The following GPC5 variants were observed in gnomAD, a reference collection of about 807,000 sequenced individuals.
GPC5 encodes glypican 5.
Under a neutral mutation model 53.9 loss-of-function variants are expected in GPC5, and 47 were observed. The ratio of observed to expected loss-of-function variants is 0.87; its 90% confidence interval spans 0.69 to 1.11. The LOEUF (loss-of-function observed/expected upper bound fraction) is 1.11, where lower values mean the gene tolerates loss of function less well. Among genes scored for constraint, GPC5 ranks in the 50% most tolerant of loss-of-function variants. The pLI is 0.00. For synonymous variants in GPC5, 286 were observed against 263.3 expected (o/e 1.09, Z -0.84); for missense variants, 748 against 713.1 (o/e 1.05, Z -0.56).
chr13:91,802,601 T>A (rs142090426), intron 5 of GPC5, among the ~76,000 whole-genome samples: 77 of 152,274 alleles, frequency 5.1e-4, no homozygotes, highest in African/African-American at 1.8e-3. Flanking sequence ...TACAGAGCAC[T>A]GATTGGTCCA....
intron 6 of GPC5, among the ~76,000 whole-genome samples, chr13:91,975,924 T>C (rs922155518): frequency 2.0e-5 from 3 of 152,142 alleles, no homozygotes; most frequent in African/African-American, 4.8e-5. Flanking sequence ...ATATACACCA[T>C]GGAATACCAT....
At chr13:91,846,009 C>T (rs1410123899) in intron 5 of GPC5, among the ~76,000 whole-genome samples, 1 of 152,162 alleles carries the variant, frequency 6.6e-6, no homozygotes, top group Non-Finnish European at 1.5e-5. Flanking sequence ...TCATTTACAT[C>T]ATCCCTATTC....
At chr13:92,179,023 A>G (rs2042128247) in intron 7 of GPC5, among the ~76,000 whole-genome samples, 1 of 152,188 alleles carries the variant, frequency 6.6e-6, no homozygotes. Context: ...TTAATAAAGT[A>G]TCCTAACGTA....
At chr13:92,070,386 T>C (rs1355060832) in intron 6 of GPC5, among the ~76,000 whole-genome samples, 1 of 152,200 alleles carries the variant, frequency 6.6e-6, no homozygotes, top group Non-Finnish European at 1.5e-5. Context: ...TTTATAAAAG[T>C]CATCTCCTCT....
At chr13:92,421,586 C>G (rs1270934853) in intron 7 of GPC5, among the ~76,000 whole-genome samples, 2 of 149,182 alleles carry the variant, frequency 1.3e-5, no homozygotes, top group African/African-American at 5.0e-5. Context: ...GTAGTCCCAG[C>G]TACTCGGGAG....
At chr13:92,556,043 G>A (rs7991738) in intron 7 of GPC5, among the ~76,000 whole-genome samples, 105,140 of 151,508 alleles carry the variant, frequency 0.69, 37,839 homozygotes, top group African/African-American at 0.86. Flanking sequence ...TTATTCATGA[G>A]TAGATATTTT....
At chr13:92,566,011 T>A (rs2139035325) in intron 7 of GPC5, among the ~76,000 whole-genome samples, 1 of 152,186 alleles carries the variant, frequency 6.6e-6, no homozygotes, top group African/African-American at 2.4e-5. Context: ...CAACAGTCAT[T>A]TTAATAATTA....
Position 92,716,267 on chromosome 13 carries a change from T to A in GPC5, c.1562-150015T>A, listed in dbSNP as rs376588058. On this transcript the variant is annotated intron_variant, in intron 7 of 7. Coordinates refer to ENST00000377067, the MANE Select transcript of GPC5 (RefSeq NM_004466.6). Reference sequence around the variant, plus strand: ...CCATTTTCTGCTACTTCCTGCTTCTTCATTTATATGCCAGCAACACAGAGT... The same window carrying A: ...CCATTTTCTGCTACTTCCTGCTTCTACATTTATATGCCAGCAACACAGAGT... Among the ~76,000 whole-genome samples, 207 of 152,286 alleles carry A rather than the reference T, an allele frequency of 1.4e-3. 2 individuals are homozygous for A. The highest frequency in any genetic ancestry group is 4.6e-3 in the African/African-American group (192 of 41,578).
At chr13:91,419,856 G>A (rs3848051) in intron 1 of GPC5, among the ~76,000 whole-genome samples, 38,263 of 152,066 alleles carry the variant, frequency 0.25, 5,836 homozygotes, top group Middle Eastern at 0.33. Context: ...CTAGTTGTTT[G>A]CTGCTTATGG....
intron 7 of GPC5, among the ~76,000 whole-genome samples, chr13:92,530,878 C>T (rs1881540442): frequency 6.6e-6 from 1 of 152,208 alleles, no homozygotes; most frequent in African/African-American, 2.4e-5. Context: ...CGATCTTCCT[C>T]TGAATGCTTT....
rs889087734 is a variant in GPC5, at chr13:92,023,704, T to A, written c.1401+115647T>A. 2.1e-3 allele frequency among the ~76,000 whole-genome samples: 148 copies of A among 70,244 alleles called. 2 individuals are homozygous for A. Among genetic ancestry groups the A allele is most frequent in the South Asian group, 5.2e-3 (6 of 1,156 alleles). 46.1% of individuals were successfully genotyped at this position (70,244 alleles called of 152,430 possible). A position where few individuals can be genotyped will look rare whatever the true frequency, so the allele number is the denominator to read the frequency against. On this transcript the variant is annotated intron_variant, in intron 6 of 7. Coordinates refer to ENST00000377067, the MANE Select transcript of GPC5 (RefSeq NM_004466.6). ...CACACACACACACACACTCTCTCTC[T>A]CTCTTATAAATTTATTTTAGTCAAG... is the stretch of plus-strand genomic sequence containing the variant.
chr13:91,987,240 C>T (rs977199447), intron 6 of GPC5, among the ~76,000 whole-genome samples: 1 of 152,178 alleles, frequency 6.6e-6, no homozygotes, highest in Non-Finnish European at 1.5e-5. Context: ...GCTGCAGGCA[C>T]CCACGGAGAC....
intron 7 of GPC5, among the ~76,000 whole-genome samples, chr13:92,765,795 G>A (rs534845541): frequency 6.6e-6 from 1 of 151,996 alleles, no homozygotes; most frequent in East Asian, 1.9e-4. Context: ...ACCTTTTAAG[G>A]GGCCAGATAG....
chr13:92,127,628 G>C (rs2041710038), intron 6 of GPC5, among the ~76,000 whole-genome samples: 1 of 152,144 alleles, frequency 6.6e-6, no homozygotes. Context: ...TGGAATAGCA[G>C]ATACATCTAA....
intron 7 of GPC5, among the ~76,000 whole-genome samples, chr13:92,349,447 T>C (rs1170341943): frequency 9.4e-6 from 1 of 106,846 alleles, no homozygotes; most frequent in Non-Finnish European, 1.8e-5. Flanking sequence ...CCCAGCCAGG[T>C]TTTTTCTTTT....
chr13:92,765,764 AGCACT>A (rs1376521070), intron 7 of GPC5, among the ~76,000 whole-genome samples: 1 of 152,196 alleles, frequency 6.6e-6, no homozygotes, highest in Non-Finnish European at 1.5e-5. Context: ...ACATTTGAAA[AGCACT>A]GTACTAGGTC....
rs188314676 is a variant in GPC5 at position 92,482,254 on chromosome 13, C to T, written c.1561+337265C>T. Among the ~76,000 whole-genome samples, 6 of 152,292 alleles carry T rather than the reference C, an allele frequency of 3.9e-5. No individual in the cohort carries two copies. In the East Asian group the frequency reaches 1.2e-3, roughly 29 times the overall value. Reference sequence around the variant, plus strand: ...AATACATTTCAAACGTGTCTTATGTCCACATGTCCACAACCACCATTCTGT... The same window carrying T: ...AATACATTTCAAACGTGTCTTATGTTCACATGTCCACAACCACCATTCTGT... On this transcript the variant is annotated intron_variant, in intron 7 of 7. Coordinates refer to ENST00000377067, the MANE Select transcript of GPC5 (RefSeq NM_004466.6).
chr13:92,394,931 G>A (rs1875190580), intron 7 of GPC5, among the ~76,000 whole-genome samples: 1 of 152,044 alleles, frequency 6.6e-6, no homozygotes, highest in South Asian at 2.1e-4. Flanking sequence ...ATTTTATAAT[G>A]ACTATGTCGT....
At chr13:92,323,334 TA>T (rs35205106) in intron 7 of GPC5, among the ~76,000 whole-genome samples, 12,380 of 148,874 alleles carry the variant, frequency 0.083, 655 homozygotes, top group Middle Eastern at 0.16. Context: ...CATACATATA[TA>T]AAAATATATA....
Sources: allele counts gnomAD v4.1 joint callset (sites outside exome capture counted in the v4.1 genomes callset), GRCh38; gene constraint gnomAD v4.1.1; transcripts MANE v1.5; gene names NCBI Gene and HGNC (gene_info 2026-07-23, HGNC 2026-07-21).